Variants in C8orf34 observed in about 807,000 individuals in gnomAD.
C8orf34 encodes chromosome 8 open reading frame 34.
A neutral mutation model predicts 68.3 loss-of-function variants in C8orf34; 65 were observed. The ratio of observed to expected loss-of-function variants is 0.95; its 90% CI spans 0.78 to 1.17. The LOEUF (loss-of-function observed/expected upper bound fraction) is 1.17, where lower values mean the gene tolerates loss of function less well. Ranked by LOEUF, C8orf34 falls within the 50% of genes most tolerant of loss-of-function variation. The pLI is 0.00. For missense variants in C8orf34, 664 were observed against 655.4 expected, an observed-to-expected ratio of 1.01 and a Z score of -0.14; for synonymous variants, 244 against 241.2, an observed-to-expected ratio of 1.01 and a Z score of -0.11.
At chr8:68,507,914 G>A (rs1240092461) in intron 5 of C8orf34, among the ~76,000 whole-genome samples, 2 of 152,128 alleles carry the variant, frequency 1.3e-5, no homozygotes, top group Non-Finnish European at 2.9e-5. Context: ...TAGTTTAGGT[G>A]TTGTGAAACA....
intron 8 of C8orf34, among the ~76,000 whole-genome samples, chr8:68,685,132 A>G (rs1206814811): frequency 6.6e-6 from 1 of 152,146 alleles, no homozygotes; most frequent in Non-Finnish European, 1.5e-5. Context: ...ATACTACGGT[A>G]ACATATATGT....
In C8orf34 at chr8:68,366,593, G is replaced by A. The variant is rs553380738; in HGVS notation, c.327+35254G>A. ...GAACAGAGCCCTCAGAAATAACACC[G>A]CATACCTACAACTGTCTGATCTTTG... On this transcript the variant is annotated intron_variant, in intron 1 of 13. Coordinates refer to ENST00000518698, the MANE Select transcript of C8orf34 (RefSeq NM_052958.4). 5.9e-3 allele frequency among the ~76,000 whole-genome samples: 895 copies of A among 151,492 alleles called. 15 individuals carry two copies. Among genetic ancestry groups the A allele is most frequent in the African/African-American group, 0.018 (725 of 41,204 alleles).
At chr8:68,417,548 T>C (rs937109062) in intron 1 of C8orf34, among the ~76,000 whole-genome samples, 6 of 152,186 alleles carry the variant, frequency 3.9e-5, no homozygotes, top group African/African-American at 1.4e-4. Context: ...TTATTACTTT[T>C]ATGAAAACGA....
chr8:68,752,852 T>C (rs1822747835), intron 10 of C8orf34, among the ~76,000 whole-genome samples: 1 of 152,230 alleles, frequency 6.6e-6, no homozygotes, highest in Non-Finnish European at 1.5e-5. Context: ...CTGGTTGAGT[T>C]GGAAAAATGT....
intron 6 of C8orf34, among the ~76,000 whole-genome samples, chr8:68,526,844 G>A (rs1294496667): frequency 6.6e-6 from 1 of 152,152 alleles, no homozygotes; most frequent in African/African-American, 2.4e-5. Flanking sequence ...CAGAAAGAAA[G>A]CGTGAAACTA....
At chr8:68,709,863 T>C (rs887884210) in intron 9 of C8orf34, among the ~76,000 whole-genome samples, 1 of 152,144 alleles carries the variant, frequency 6.6e-6, no homozygotes, top group Non-Finnish European at 1.5e-5. Context: ...GCCACTCCAA[T>C]GCCATCTAAG....
intron 8 of C8orf34, among the ~76,000 whole-genome samples, chr8:68,642,040 A>G (rs547061462): frequency 2.9e-3 from 444 of 152,332 alleles, no homozygotes; most frequent in African/African-American, 0.01. Flanking sequence ...AGATAAGAAA[A>G]CTGAGGCATG....
Position 68,424,624 on chromosome 8 carries a change from T to C in C8orf34, c.328-14875T>C, listed in dbSNP as rs529690545. ...GAAAATCTTAGCTAAGAAATAGAGA[T>C]TGTAAAAAAGAGCCACCTGTAATCC... On this transcript the variant is annotated intron_variant, in intron 1 of 13. Coordinates refer to ENST00000518698, the MANE Select transcript of C8orf34 (RefSeq NM_052958.4). 1.3e-4 allele frequency among the ~76,000 whole-genome samples: 20 copies of C among 152,066 alleles called. 1 individual carries two copies. The highest frequency in any genetic ancestry group is 3.4e-3 in the Middle Eastern group (1 of 294).
At chr8:68,785,726 A>G (rs1006407170) in intron 11 of C8orf34, among the ~76,000 whole-genome samples, 6 of 152,220 alleles carry the variant, frequency 3.9e-5, no homozygotes, top group Admixed American at 3.9e-4. Flanking sequence ...CTTATGGTAT[A>G]AAATTCTATG....
intron 1 of C8orf34, among the ~76,000 whole-genome samples, chr8:68,380,404 A>G (rs1807983663): frequency 6.6e-6 from 1 of 152,264 alleles, no homozygotes; most frequent in African/African-American, 2.4e-5. Context: ...GCATTTAATT[A>G]TGCTTAATTG....
intron 10 of C8orf34, among the ~76,000 whole-genome samples, chr8:68,725,743 T>C (rs1821810358): frequency 6.6e-6 from 1 of 152,126 alleles, no homozygotes; most frequent in Non-Finnish European, 1.5e-5. Context: ...AAACTCATGG[T>C]TCCCAGTGCC....
At chr8:68,536,588 T>C (rs939739388) in intron 7 of C8orf34, among the ~76,000 whole-genome samples, 3 of 151,958 alleles carry the variant, frequency 2.0e-5, no homozygotes, top group Non-Finnish European at 2.9e-5. Flanking sequence ...ATGATTGATA[T>C]TCATTTAAAA....
At chr8:68,658,398 A>G (rs1819572457) in intron 8 of C8orf34, among the ~76,000 whole-genome samples, 5 of 152,082 alleles carry the variant, frequency 3.3e-5, no homozygotes, top group Admixed American at 1.3e-4. Flanking sequence ...TGGATTCCCA[A>G]TGTCTTTGCC....
At chr8:68,562,847 A>C (rs1303830088) in intron 7 of C8orf34, among the ~76,000 whole-genome samples, 1 of 152,206 alleles carries the variant, frequency 6.6e-6, no homozygotes, top group Non-Finnish European at 1.5e-5. Flanking sequence ...CATGACATGT[A>C]AAATGTTGCT....
intron 8 of C8orf34, among the ~76,000 whole-genome samples, chr8:68,684,538 CT>C (rs1381122814): frequency 1.5e-4 from 23 of 152,242 alleles, no homozygotes; most frequent in African/African-American, 5.5e-4. Context: ...GTCATTACAT[CT>C]TTCTAAACTT....
chr8:68,582,156 C>T (rs950471638), intron 7 of C8orf34, among the ~76,000 whole-genome samples: 3 of 152,070 alleles, frequency 2.0e-5, no homozygotes, highest in African/African-American at 4.8e-5. Flanking sequence ...AATGAACACC[C>T]AAAGACCCAA....
Position 68,588,390 on chromosome 8 carries a change from AGGAATATGCATTAAAAT to A in C8orf34, c.1106-51985_1106-51969del, listed in dbSNP as rs376618801. 4.6e-3 allele frequency among the ~76,000 whole-genome samples: 697 copies of A among 152,286 alleles called. 8 individuals are homozygous for A. The highest frequency in any genetic ancestry group is 0.016 in the African/African-American group (659 of 41,562). ...GTGTTGATGCATGATTAAAGAATAAAGGAATATGCATTAAAATATTAACATTTTCAACACAAATCTTC... is the reference window on the plus strand; with the variant it reads ...GTGTTGATGCATGATTAAAGAATAAAATTAACATTTTCAACACAAATCTTC... On this transcript the variant is annotated intron_variant, in intron 7 of 13. Transcript: ENST00000518698.
At chr8:68,796,887 C>T (rs905331674) in intron 12 of C8orf34, among the ~76,000 whole-genome samples, 5 of 141,052 alleles carry the variant, frequency 3.5e-5, no homozygotes, top group East Asian at 2.1e-4. Context: ...AGTGCAGTGG[C>T]GCTAACTCGG....
chr8:68,485,778 G>A (rs187413992), intron 4 of C8orf34, among the ~76,000 whole-genome samples: 171 of 151,208 alleles, frequency 1.1e-3, no homozygotes, highest in Non-Finnish European at 2.0e-3. Context: ...GGTTAAGAGA[G>A]TTTAAAAAAT....
Sources: gnomAD v4.1 joint callset for allele counts (sites outside exome capture counted in the v4.1 genomes callset) on GRCh38, gnomAD v4.1.1 for gene constraint, MANE v1.5 for transcripts, NCBI Gene and HGNC (gene_info 2026-07-23, HGNC 2026-07-21) for gene names.